DHX36: variants seen among roughly 807,000 people sequenced by gnomAD.
DHX36 encodes the protein ATP-dependent DNA/RNA helicase DHX36.
In DHX36, 50 loss-of-function variants were observed where a neutral mutation model predicts 139.0. The observed-to-expected ratio is 0.36, with a 90% CI of 0.29 to 0.46. The LOEUF (loss-of-function observed/expected upper bound fraction) is 0.46, where lower values mean the gene tolerates loss of function less well. Among genes scored for constraint, DHX36 ranks in the 20% least tolerant of loss-of-function variants. DHX36 has a pLI of 1.00. For missense variants in DHX36, 1,024 were observed against 1,211.3 expected (o/e 0.85, Z 2.29); for synonymous variants, 425 against 401.9 (o/e 1.06, Z -0.69).
Position 154,275,998 on chromosome 3 carries a change from A to ATC in DHX36, c.*172_*173insGA. The ATC allele has an allele frequency of 2.4e-6, 1 of 423,200 alleles. No homozygotes were observed. The highest frequency in any genetic ancestry group is 2.1e-5 in the African/African-American group (1 of 48,584). The allele number at this position is 423,200 out of a possible 1,614,324, so 26.2% of individuals were successfully genotyped here. A position where few individuals can be genotyped will look rare whatever the true frequency, so the allele number is the denominator to read the frequency against. On this transcript the variant is annotated 3_prime_UTR_variant, in exon 25 of 25. Coordinates refer to ENST00000496811, the MANE Select transcript of DHX36 (RefSeq NM_020865.3). The stretch of plus-strand genomic sequence containing the variant: ...TTATGGTATATATATATATATATAT[A>ATC]TATCTCTACATATAACATCAAGTCA...
At chr3:154,290,320 T>TA (rs1711739013) in intron 15 of DHX36, among the ~76,000 whole-genome samples, 1 of 152,154 alleles carries the variant, frequency 6.6e-6, no homozygotes, top group African/African-American at 2.4e-5. Context: ...CCATGAATGA[T>TA]ATCATTTTTT....
intron 4 of DHX36, among the ~76,000 whole-genome samples, chr3:154,310,834 T>TATATATATATATGTATATAC (rs1712732971): frequency 5.5e-5 from 4 of 73,086 alleles, no homozygotes; most frequent in African/African-American, 2.1e-4. Context: ...TATATATATA[T>TATATATATATATGTATATAC]ATATATATAT....
rs1429433949 is a variant in DHX36, at chr3:154,311,615, T to C, written c.642+21A>G. On this transcript the variant is annotated intron_variant, in intron 4 of 24. Transcript: ENST00000496811. ...TATTTAATTTGCAAATCAAATTAAA[T>C]AGTGGAAAAAAGCACTTTACCTTTT... 3.8e-6 allele frequency: 6 copies of C among 1,587,574 alleles called. No homozygotes were observed. The African/African-American group carries it at 5.5e-5, about 14-fold the overall frequency.
chr3:154,298,764 A>T (rs899290062), intron 12 of DHX36, among the ~76,000 whole-genome samples: 5 of 151,404 alleles, frequency 3.3e-5, no homozygotes, highest in Non-Finnish European at 4.4e-5. Context: ...AAATACAAAA[A>T]ATTAGGCGGG....
chr3:154,293,296 C>T lies in DHX36; in HGVS notation c.1670+452G>A, dbSNP rs974521550. On this transcript the variant is annotated intron_variant, in intron 14 of 24. Coordinates refer to ENST00000496811, the MANE Select transcript of DHX36 (RefSeq NM_020865.3). ...TATAGGTTAAAAAACCCCCACAAAA[C>T]TGGCCATGCATGGTGGCTTAGGCCT... Among the ~76,000 whole-genome samples, 5 of 152,276 alleles carry T rather than the reference C, an allele frequency of 3.3e-5. No individual in the cohort carries two copies. In the East Asian group the frequency reaches 7.7e-4, roughly 24 times the overall value.
At chr3:154,298,212 TCACATA>T (rs1301600429) in intron 12 of DHX36, among the ~76,000 whole-genome samples, 25 of 152,320 alleles carry the variant, frequency 1.6e-4, no homozygotes, top group African/African-American at 5.5e-4. Flanking sequence ...CCACTCTCCA[TCACATA>T]CACTAAATGA....
chr3:154,290,099 A>T (rs1711727628), intron 15 of DHX36, among the ~76,000 whole-genome samples: 1 of 152,194 alleles, frequency 6.6e-6, no homozygotes, highest in African/African-American at 2.4e-5. Context: ...TTTCTGACAG[A>T]TTCCAAATTA....
At position 154,292,603 on chromosome 3, in the gene DHX36, C is replaced by T. The variant is rs762683262; in HGVS notation, c.1762G>A (p.Ala588Thr). ...DTQNNISTMS[A>T]EWVSKANAKQ... The stretch of plus-strand genomic sequence containing the variant: ...GCATTAGCTTTACTAACCCACTCAG[C>T]GGACATTGTACTGATATTGTTCTGA... Residue 588 changes from alanine to threonine, a missense_variant, in exon 15 of 25, where the codon GCT (alanine) becomes ACT (threonine). By Grantham distance (58) the Ala-to-Thr change is moderately conservative. Coordinates refer to ENST00000496811, the MANE Select transcript of DHX36 (RefSeq NM_020865.3). 20 of 1,614,034 alleles carry T rather than the reference C, an allele frequency of 1.2e-5. No homozygotes were observed. In the Admixed American group the frequency reaches 1.3e-4, roughly 11 times the overall value.
At chr3:154,283,692 T>A (rs1020294913) in intron 19 of DHX36, among the ~76,000 whole-genome samples, 2 of 151,822 alleles carry the variant, frequency 1.3e-5, no homozygotes, top group Non-Finnish European at 2.9e-5. Flanking sequence ...ACAAGCTGAA[T>A]AAGCTCAAAG....
rs745734355 is a variant in DHX36, at chr3:154,301,065, A to G, written c.1280T>C (p.Val427Ala). The G allele has an allele frequency of 9.9e-6, 16 of 1,613,272 alleles. No individual in the cohort carries two copies. Among genetic ancestry groups the G allele is most frequent in the Non-Finnish European group, 1.2e-5 (14 of 1,179,830 alleles). ...QFKRGFMQGHVNRQEKEEKEA... is the reference protein window; with the variant it reads ...QFKRGFMQGHANRQEKEEKEA... ...TTTTTCTTCTTTTTCTTGTCTATTT[A>G]CATGCCCTTGCATGAAACCCCTCTT... Residue 427 changes from valine to alanine, a missense_variant, in exon 10 of 25, where the codon GTA (valine) becomes GCA (alanine). Coordinates refer to ENST00000496811, the MANE Select transcript of DHX36 (RefSeq NM_020865.3).
intron 24 of DHX36, 94 bp from the exon 25 acceptor site, chr3:154,276,450 C>A (rs1416895263): frequency 9.1e-6 from 11 of 1,202,728 alleles, no homozygotes; most frequent in Non-Finnish European, 1.3e-5. Context: ...CAAGGAGTTT[C>A]ACAAGCGATG....
In DHX36 at chr3:154,299,872, A is replaced by T; in HGVS notation, c.1515T>A (p.His505Gln). The T allele has an allele frequency of 6.2e-7, 1 of 1,613,672 alleles. No homozygotes were observed. Among genetic ancestry groups the T allele is most frequent in the Non-Finnish European group, 8.5e-7 (1 of 1,179,606 alleles). The change falls in exon 12 of 25, where the codon CAT (histidine) becomes CAA (glutamine). Residue 505 changes from histidine to glutamine, a missense_variant. By Grantham distance (24) the His-to-Gln change is conservative. Transcript: ENST00000496811. ...ACATTACTTGTGACATCAAGAGATC[A>T]TGTAAAGTGCTGATATTGTCCCAGC... ...LPGWDNISTL[H>Q]DLLMSQVMFK...
chr3:154,322,883 A>C (rs2108372428), intron 1 of DHX36, among the ~76,000 whole-genome samples: 1 of 152,358 alleles, frequency 6.6e-6, no homozygotes, highest in East Asian at 1.9e-4. Context: ...TTTTCAAGCC[A>C]GTATGCCCAA....
rs549286339 is a variant in DHX36, at chr3:154,299,303, A to T, written c.1549+535T>A. On this transcript the variant is annotated intron_variant, in intron 12 of 24. Transcript: ENST00000496811. ...AAAAAATTATATTCAGAACTGTAAA[A>T]ATTAAATAGAATTTTCTTTGTAGTT... Among the ~76,000 whole-genome samples the T allele has an allele frequency of 3.3e-5, 5 of 152,338 alleles. No individual in the cohort carries two copies. The South Asian group carries it at 1.0e-3, about 32-fold the overall frequency.
intron 1 of DHX36, 128 bp downstream of exon 1, chr3:154,324,046 T>G: frequency 9.1e-7 from 1 of 1,093,510 alleles, no homozygotes; most frequent in Non-Finnish European, 1.3e-6. Flanking sequence ...CATAATATAT[T>G]TGCGCCTCAT....
chr3:154,324,389 C>T lies in DHX36; in HGVS notation c.28G>A (p.Gly10Ser). ...GAGCTGCGGGGACCCCCATCACGGC[C>T]CCAGTTCTGATGGTAGTCATAACTC... MSYDYHQNW[G>S]RDGGPRSSGG... Residue 10 changes from glycine to serine, a missense_variant, in exon 1 of 25, where the codon GGC (glycine) becomes AGC (serine). Transcript: ENST00000496811. 1 of 1,577,098 alleles carries T rather than the reference C, an allele frequency of 6.3e-7. No homozygotes were observed. The highest frequency in any genetic ancestry group is 8.6e-7 in the Non-Finnish European group (1 of 1,159,148).
chr3:154,280,708 A>C, intron 21 of DHX36, 39 bp from the exon 22 acceptor site: 1 of 1,604,960 alleles, frequency 6.2e-7, no homozygotes, highest in Middle Eastern at 1.7e-4. Flanking sequence ...AAGAAAAGTA[A>C]AATACTGATA....
At chr3:154,310,406 G>A (rs1047145140) in intron 4 of DHX36, among the ~76,000 whole-genome samples, 7 of 151,790 alleles carry the variant, frequency 4.6e-5, no homozygotes, top group Non-Finnish European at 7.4e-5. Flanking sequence ...CTGTATAAAC[G>A]AAGTCATCTT....
chr3:154,283,354 G>T, intron 19 of DHX36, 83 bp from the exon 20 acceptor site: 1 of 900,306 alleles, frequency 1.1e-6, no homozygotes, highest in Non-Finnish European at 1.8e-6. Context: ...TTTAGTAAAA[G>T]CTTAATATTC....
Sources: gnomAD v4.1 joint callset for allele counts (sites outside exome capture counted in the v4.1 genomes callset) on GRCh38, gnomAD v4.1.1 for gene constraint, MANE v1.5 for transcripts, NCBI Gene and HGNC (gene_info 2026-07-23, HGNC 2026-07-21) for gene names.